The following PDZK1 variants were observed in gnomAD, a reference collection of about 807,000 sequenced individuals.
PDZK1 encodes the protein PDZ domain containing 1.
A neutral mutation model predicts 38.1 loss-of-function variants in PDZK1; 23 were observed. The observed-to-expected ratio is 0.60, with a 90% confidence interval of 0.43 to 0.85. PDZK1 has a LOEUF of 0.85. PDZK1 is among the 40% of genes least tolerant of loss of function. PDZK1 has a pLI of 0.00. For synonymous variants in PDZK1, 98 were observed against 186.2 expected, an observed-to-expected ratio of 0.53 and a Z score of 3.86; for missense variants, 297 against 504.3, an observed-to-expected ratio of 0.59 and a Z score of 3.94.
chr1:145,706,804 G>T (rs79892086), intron 1 of PDZK1, among the ~76,000 whole-genome samples: 1 of 151,868 alleles, frequency 6.6e-6, no homozygotes, highest in Non-Finnish European at 1.5e-5. Flanking sequence ...AAATCCACTG[G>T]TTTTTCTCAT....
intron 1 of PDZK1, among the ~76,000 whole-genome samples, chr1:145,692,327 T>A (rs1169220489): frequency 2.6e-5 from 4 of 152,216 alleles, no homozygotes; most frequent in African/African-American, 7.2e-5. Flanking sequence ...CCTCACCAAC[T>A]CCTCTGCACA....
chr1:145,696,331 T>C (rs1243155041), intron 1 of PDZK1, among the ~76,000 whole-genome samples: 1 of 152,194 alleles, frequency 6.6e-6, no homozygotes, highest in Non-Finnish European at 1.5e-5. Flanking sequence ...GCTTTCCTAC[T>C]TCAAGCCCCG....
At chr1:145,684,290 C>A (rs1413839347) in intron 3 of PDZK1, among the ~76,000 whole-genome samples, 5 of 147,954 alleles carry the variant, frequency 3.4e-5, no homozygotes, top group Non-Finnish European at 5.9e-5. Flanking sequence ...CTCACTGCAA[C>A]CTCCGCCTCC....
In PDZK1 at chr1:145,686,558, C is replaced by T. The variant is rs1553701782; in HGVS notation, c.379G>A (p.Val127Met). The T allele has an allele frequency of 6.2e-7, 1 of 1,611,526 alleles. No individual in the cohort carries two copies. Among genetic ancestry groups the T allele is most frequent in the South Asian group, 1.1e-5 (1 of 90,972 alleles). Reference protein sequence around the residue: ...NILSPVMNGGVQTWTQPRLCY... With the variant: ...NILSPVMNGGMQTWTQPRLCY... Reference sequence around the variant, plus strand: ...AGCCGGGGCTGGGTCCAAGTTTGCACACCTCCATTCATCACAGGGGAAAGT... The same window carrying T: ...AGCCGGGGCTGGGTCCAAGTTTGCATACCTCCATTCATCACAGGGGAAAGT... The change falls in exon 3 of 9, where the codon GTG (valine) becomes ATG (methionine). Residue 127 changes from valine (V) to methionine (M), a missense_variant. By Grantham distance (21) the Val-to-Met change is conservative. Coordinates refer to ENST00000417171, the MANE Select transcript of PDZK1 (RefSeq NM_001201325.2).
chr1:145,692,881 A>G (rs1655338003), intron 1 of PDZK1, among the ~76,000 whole-genome samples: 2 of 151,986 alleles, frequency 1.3e-5, no homozygotes, highest in South Asian at 4.2e-4. Flanking sequence ...AATTCAAAAA[A>G]AAAAAAATTA....
intron 1 of PDZK1, among the ~76,000 whole-genome samples, chr1:145,703,744 G>T (rs1656097609): frequency 6.6e-6 from 1 of 152,032 alleles, no homozygotes; most frequent in South Asian, 2.1e-4. Context: ...AAAGAAGTAG[G>T]TTAGACTGTG....
chr1:145,683,101 T>C (rs1654423188), intron 3 of PDZK1, among the ~76,000 whole-genome samples: 1 of 152,186 alleles, frequency 6.6e-6, no homozygotes, highest in South Asian at 2.1e-4. Flanking sequence ...GAACACTCCA[T>C]TGCAAAGAAA....
chr1:145,703,055 G>A (rs756684942), intron 1 of PDZK1, among the ~76,000 whole-genome samples: 34 of 152,124 alleles, frequency 2.2e-4, no homozygotes, highest in East Asian at 3.8e-4. Context: ...CTCATAGTAC[G>A]TGCTAAGTAA....
At chr1:145,693,491 G>A (rs868923655) in intron 1 of PDZK1, among the ~76,000 whole-genome samples, 5 of 151,890 alleles carry the variant, frequency 3.3e-5, no homozygotes, top group South Asian at 2.1e-4. Flanking sequence ...CCTAGGTGCC[G>A]GGCGCGGTGG....
At position 145,672,702 on chromosome 1, in the gene PDZK1, T is replaced by C. The variant is rs781930605; in HGVS notation, c.1506+28A>G. 2.1e-5 allele frequency: 34 copies of C among 1,611,538 alleles called. No individual in the cohort carries two copies. In the East Asian group the frequency reaches 5.6e-4, roughly 26 times the overall value. On this transcript the variant is annotated intron_variant, in intron 8 of 8. Transcript: ENST00000417171. ...TGTACCCATACTCTAGTAAATTAGA[T>C]CACGAAAAGAAATAGGCCCCCACTC...
At chr1:145,693,712 T>G (rs1459550218) in intron 1 of PDZK1, among the ~76,000 whole-genome samples, 3 of 150,990 alleles carry the variant, frequency 2.0e-5, no homozygotes, top group African/African-American at 7.3e-5. Flanking sequence ...AGGCGGAGCT[T>G]GCAGTGAGCT....
rs1656266733 is a variant in PDZK1 at position 145,706,659 on chromosome 1, C to T, written c.-3+658G>A. 2.6e-5 allele frequency among the ~76,000 whole-genome samples: 4 copies of T among 152,256 alleles called. No homozygotes were observed. The South Asian group carries it at 8.3e-4, about 32-fold the overall frequency. On this transcript the variant is annotated intron_variant, in intron 1 of 8. Coordinates refer to ENST00000417171, the MANE Select transcript of PDZK1 (RefSeq NM_001201325.2). ...AAATAAACTACTAGTGGTTCCCAAA[C>T]CTACCTGCACTGATCAGAATGATTC...
chr1:145,682,624 A>T lies in PDZK1; in HGVS notation c.473T>A (p.Val158Glu), dbSNP rs1178122017. The T allele has an allele frequency of 1.2e-6, 2 of 1,611,766 alleles. No homozygotes were observed. The highest frequency in any genetic ancestry group is 1.3e-5 in the African/African-American group (1 of 74,814). ...TTGAGGTGTAATATCAGTCATGTACACCCCCTTTTTACCTGGAAGAGAGTA... is the reference window on the plus strand; with the variant it reads ...TTGAGGTGTAATATCAGTCATGTACTCCCCCTTTTTACCTGGAAGAGAGTA... ...SLKTVQGKKG[V>E]YMTDITPQGV... Residue 158 changes from valine (V) to glutamate (E), a missense_variant, in exon 4 of 9, where the codon GTG becomes GAG. By Grantham distance (121) the Val-to-Glu change is moderately radical. Coordinates refer to ENST00000417171, the MANE Select transcript of PDZK1 (RefSeq NM_001201325.2).
intron 2 of PDZK1, 82 bp downstream of exon 2, chr1:145,687,730 C>G: frequency 7.9e-7 from 1 of 1,263,520 alleles, no homozygotes; most frequent in East Asian, 2.3e-5. Flanking sequence ...CCAAACTCTA[C>G]CAACCCCCAA....
intron 1 of PDZK1, among the ~76,000 whole-genome samples, chr1:145,699,185 C>T (rs1655808903): frequency 6.6e-6 from 1 of 152,082 alleles, no homozygotes; most frequent in Non-Finnish European, 1.5e-5. Context: ...TTGCAGTGAG[C>T]TGAGATCACG....
chr1:145,699,290 T>C (rs1655820235), intron 1 of PDZK1, among the ~76,000 whole-genome samples: 1 of 151,758 alleles, frequency 6.6e-6, no homozygotes, highest in South Asian at 2.1e-4. Flanking sequence ...TGGTTGTGCG[T>C]GCCTGTAATC....
chr1:145,672,580 C>A, intron 8 of PDZK1, 150 bp downstream of exon 8: 1 of 939,236 alleles, frequency 1.1e-6, no homozygotes, highest in South Asian at 1.7e-5. Flanking sequence ...CTCCTGTCCT[C>A]TACAATAACT....
At chr1:145,691,064 C>A (rs1571621917) in intron 1 of PDZK1, among the ~76,000 whole-genome samples, 1 of 152,164 alleles carries the variant, frequency 6.6e-6, no homozygotes, top group African/African-American at 2.4e-5. Context: ...TGCAAGCCCC[C>A]AACTGCCTTC....
chr1:145,688,688 C>CAG (rs1655004451), intron 1 of PDZK1, among the ~76,000 whole-genome samples: 1 of 152,124 alleles, frequency 6.6e-6, no homozygotes, highest in Non-Finnish European at 1.5e-5. Context: ...AAGGCAGGCA[C>CAG]AGTGGCTCAC....
Sources: allele counts gnomAD v4.1 joint callset (sites outside exome capture counted in the v4.1 genomes callset), GRCh38; gene constraint gnomAD v4.1.1; transcripts MANE v1.5; gene names NCBI Gene and HGNC (gene_info 2026-07-23, HGNC 2026-07-21).